Variants in CTBP2 observed in about 807,000 individuals in gnomAD.
CTBP2 encodes the protein C-terminal-binding protein 2.
Under a neutral mutation model 80.3 loss-of-function variants are expected in CTBP2, and 30 were observed. That is an observed-to-expected ratio of 0.37 (90% confidence interval 0.28 to 0.51). The LOEUF (loss-of-function observed/expected upper bound fraction) is 0.51, where lower values mean the gene tolerates loss of function less well. Ranked by LOEUF, CTBP2 falls within the 20% of genes least tolerant of loss-of-function variation. The probability of loss-of-function intolerance (pLI) is 0.93; values close to 1 mark genes in which losing one functional copy is unlikely to be tolerated. For missense variants in CTBP2, 1,212 were observed against 1,375.3 expected, an observed-to-expected ratio of 0.88 and a Z score of 1.88; for synonymous variants, 594 against 587.4, an observed-to-expected ratio of 1.01 and a Z score of -0.16.
chr10:125,106,977 G>A (rs1176179834), intron 2 of CTBP2, among the ~76,000 whole-genome samples: 1 of 152,234 alleles, frequency 6.6e-6, no homozygotes, highest in Non-Finnish European at 1.5e-5. Flanking sequence ...ATCCCTACTT[G>A]GGAGGCCACA....
intron 1 of CTBP2, among the ~76,000 whole-genome samples, chr10:125,127,095 G>A (rs185454008): frequency 5.9e-4 from 90 of 152,312 alleles, no homozygotes; most frequent in Admixed American, 2.5e-3. Context: ...AAGTAGGCAC[G>A]GACGAAGGAG....
chr10:125,035,714 C>T (rs376838274), intron 3 of CTBP2, among the ~76,000 whole-genome samples: 1 of 152,170 alleles, frequency 6.6e-6, no homozygotes, highest in Non-Finnish European at 1.5e-5. Flanking sequence ...CCCTCATTTC[C>T]AACCAATAGA....
At chr10:125,073,197 T>G (rs1030980113) in intron 2 of CTBP2, among the ~76,000 whole-genome samples, 2 of 152,354 alleles carry the variant, frequency 1.3e-5, no homozygotes, top group Non-Finnish European at 2.9e-5. Context: ...GATGTCCACT[T>G]AGAAGCTCAA....
intron 3 of CTBP2, chr10:125,000,293 T>A (rs1432504353): frequency 6.6e-6 from 1 of 151,816 alleles, no homozygotes; most frequent in African/African-American, 2.4e-5. Context: ...TTCTTAGCTG[T>A]CCTCTATCGC....
chr10:125,098,801 A>C (rs1850161241), intron 2 of CTBP2, among the ~76,000 whole-genome samples: 1 of 148,842 alleles, frequency 6.7e-6, no homozygotes, highest in Non-Finnish European at 1.5e-5. Context: ...ACAGAGAGAC[A>C]CCCAGGCCTC....
At chr10:125,025,316 C>T (rs1446128048) in intron 1 of CTBP2, among the ~76,000 whole-genome samples, 1 of 152,158 alleles carries the variant, frequency 6.6e-6, no homozygotes, top group Non-Finnish European at 1.5e-5. Context: ...GGACGCCCAC[C>T]TAGGACTTCA....
intron 1 of CTBP2, among the ~76,000 whole-genome samples, chr10:125,118,668 A>G (rs1399295799): frequency 7.2e-6 from 1 of 138,304 alleles, no homozygotes; most frequent in African/African-American, 2.6e-5. Flanking sequence ...ACTTACAGAC[A>G]AGCCAGGAAA....
chr10:125,139,906 A>G (rs543398528), intron 1 of CTBP2, among the ~76,000 whole-genome samples: 12 of 152,288 alleles, frequency 7.9e-5, no homozygotes, highest in African/African-American at 2.9e-4. Flanking sequence ...TCCAGACAGT[A>G]AAGAACTTTG....
At position 125,003,324 on chromosome 10, in the gene CTBP2, C is replaced by A. The variant is rs781676037; in HGVS notation, c.1833+14G>T. ...AAGGTCAGTGCAGGCCCCGGCCGGGCAGGGTGGGCCCACCTTCTCGTGGAT... is the reference window on the plus strand; with the variant it reads ...AAGGTCAGTGCAGGCCCCGGCCGGGAAGGGTGGGCCCACCTTCTCGTGGAT... On this transcript the variant is annotated intron_variant, in intron 2 of 8. Transcript: ENST00000309035. 1.3e-5 allele frequency: 21 copies of A among 1,605,492 alleles called. No homozygotes were observed. The highest frequency in any genetic ancestry group is 1.6e-5 in the Non-Finnish European group (19 of 1,178,228).
chr10:125,072,521 C>T (rs940192148), intron 2 of CTBP2, among the ~76,000 whole-genome samples: 6 of 148,998 alleles, frequency 4.0e-5, no homozygotes, highest in Non-Finnish European at 8.9e-5. Context: ...GAGACTGAGG[C>T]AAGAGAATTG....
chr10:125,061,557 C>T (rs1590424321), intron 2 of CTBP2, among the ~76,000 whole-genome samples: 1 of 152,336 alleles, frequency 6.6e-6, no homozygotes, highest in East Asian at 1.9e-4. Context: ...CATCCCAGTT[C>T]CAGGAGTGGC....
chr10:125,083,042 G>A (rs1288888650), intron 2 of CTBP2, among the ~76,000 whole-genome samples: 1 of 152,164 alleles, frequency 6.6e-6, no homozygotes, highest in Non-Finnish European at 1.5e-5. Flanking sequence ...CCAGCACAGG[G>A]TCCATCTCTC....
chr10:124,997,663 G>A, intron 4 of CTBP2: 1 of 461,226 alleles, frequency 2.2e-6, no homozygotes, highest in Non-Finnish European at 3.9e-6. Context: ...CCCCTGCCCA[G>A]GGAAATTTAC....
intron 2 of CTBP2, among the ~76,000 whole-genome samples, chr10:125,095,478 C>T (rs531030728): frequency 2.0e-5 from 3 of 152,250 alleles, no homozygotes; most frequent in South Asian, 2.1e-4. Context: ...GAAAAAGGGA[C>T]GAAATGAACC....
At chr10:125,023,057 A>G (rs1336878046) in intron 1 of CTBP2, among the ~76,000 whole-genome samples, 1 of 152,218 alleles carries the variant, frequency 6.6e-6, no homozygotes, top group East Asian at 1.9e-4. Flanking sequence ...GAGAGTGACC[A>G]GCTCTGGTGA....
At chr10:125,111,671 G>GC (rs1006738079) in intron 1 of CTBP2, among the ~76,000 whole-genome samples, 1 of 152,164 alleles carries the variant, frequency 6.6e-6, no homozygotes, top group African/African-American at 2.4e-5. Flanking sequence ...CTTGGCAAAT[G>GC]CAATATGAAC....
Position 125,036,693 on chromosome 10 carries a change from GTGTGTGTGTGTGTGTGTGTGTGTT to G in CTBP2, c.58+2280_58+2303del, listed in dbSNP as rs1235077934. Reference sequence around the variant, plus strand: ...GGTGTGTGTGTGTGTGTGTGTGTGTGTGTGTGTGTGTGTGTGTGTGTGTTTGTGTGTGTTAGATGTTCAAGGCCT... The same window carrying G: ...GGTGTGTGTGTGTGTGTGTGTGTGTGTGTGTGTGTTAGATGTTCAAGGCCT... On this transcript the variant is annotated intron_variant, in intron 3 of 10. Transcript: ENST00000337195. 2.3e-3 allele frequency among the ~76,000 whole-genome samples: 319 copies of G among 137,486 alleles called. 1 individual carries two copies. The highest frequency in any genetic ancestry group is 4.1e-3 in the Middle Eastern group (1 of 244). 90.2% of individuals were successfully genotyped at this position (137,486 alleles called of 152,430 possible).
Position 125,003,567 on chromosome 10 carries a change from C to T in CTBP2, c.1679-75G>A, listed in dbSNP as rs577688426. On this transcript the variant is annotated intron_variant, in intron 1 of 8. Coordinates refer to ENST00000309035, the MANE Select transcript of CTBP2 (RefSeq NM_022802.3). ...GGGTGCGTGGAGGGGCAGCTCCCCA[C>T]TCATCACTCAGGGCAGGGCTTGGGC... The T allele has an allele frequency of 2.4e-6, 3 of 1,235,396 alleles. No homozygotes were observed. The Admixed American group carries it at 8.0e-5, about 33-fold the overall frequency. The allele number at this position is 1,235,396 out of a possible 1,614,324, so 76.5% of individuals were successfully genotyped here. A position where few individuals can be genotyped will look rare whatever the true frequency, so the allele number is the denominator to read the frequency against.
At chr10:125,112,875 C>A (rs946553104) in intron 1 of CTBP2, among the ~76,000 whole-genome samples, 8 of 152,212 alleles carry the variant, frequency 5.3e-5, no homozygotes, top group African/African-American at 1.9e-4. Flanking sequence ...GATTATGTAG[C>A]AAGTCATAAA....
Sources: gnomAD v4.1 joint callset for allele counts (sites outside exome capture counted in the v4.1 genomes callset) on GRCh38, gnomAD v4.1.1 for gene constraint, MANE v1.5 for transcripts, NCBI Gene and HGNC (gene_info 2026-07-23, HGNC 2026-07-21) for gene names.